Variants in AAK1 observed in about 807,000 individuals in gnomAD.
The protein encoded by AAK1 is AP2-associated protein kinase 1.
A neutral mutation model predicts 116.0 loss-of-function variants in AAK1; 37 were observed. The ratio of observed to expected loss-of-function variants is 0.32; its 90% CI spans 0.25 to 0.42. The LOEUF (loss-of-function observed/expected upper bound fraction) is 0.42. Among genes scored for constraint, AAK1 ranks in the 10% least tolerant of loss-of-function variants. The pLI is 1.00. For missense variants in AAK1, 919 were observed against 1,170.6 expected, an observed-to-expected ratio of 0.79 and a Z score of 3.14; for synonymous variants, 458 against 439.9, an observed-to-expected ratio of 1.04 and a Z score of -0.51.
At chr2:69,512,978 CT>C (rs1456288105) in intron 13 of AAK1, among the ~76,000 whole-genome samples, 1 of 152,208 alleles carries the variant, frequency 6.6e-6, no homozygotes, top group Non-Finnish European at 1.5e-5. Flanking sequence ...TGGGCAACCA[CT>C]TTCTAGTCTA....
chr2:69,470,518 C>G lies in AAK1; in HGVS notation c.*5351G>C. ...TGGAAGCCAAAAATGGCCAGCTGTG[C>G]CTCTCAGGCCAATGAGGCAATTAAA... On this transcript the variant is annotated 3_prime_UTR_variant, in exon 22 of 22. Coordinates refer to ENST00000409085, the MANE Select transcript of AAK1 (RefSeq NM_014911.5). 1.0e-6 allele frequency: 1 copy of G among 985,432 alleles called. No homozygotes were observed. Among genetic ancestry groups the G allele is most frequent in the Non-Finnish European group, 1.2e-6 (1 of 829,918 alleles). 61.0% of individuals were successfully genotyped at this position (985,432 alleles called of 1,614,324 possible).
chr2:69,466,546 G>A lies in AAK1; in HGVS notation c.*9323C>T. 8.4e-7 allele frequency: 1 copy of A among 1,187,492 alleles called. No homozygotes were observed. The highest frequency in any genetic ancestry group is 1.1e-6 in the Non-Finnish European group (1 of 938,682). 73.6% of individuals were successfully genotyped at this position (1,187,492 alleles called of 1,614,324 possible). Reference sequence around the variant, plus strand: ...ACAGGACAGGGATTGGACTCCCTCTGGAGATCTAGAAAAGCATAAAATGCA... The same window carrying A: ...ACAGGACAGGGATTGGACTCCCTCTAGAGATCTAGAAAAGCATAAAATGCA... On this transcript the variant is annotated 3_prime_UTR_variant, in exon 22 of 22. Coordinates refer to ENST00000409085, the MANE Select transcript of AAK1 (RefSeq NM_014911.5).
chr2:69,611,235 G>A (rs1674065336), intron 2 of AAK1, among the ~76,000 whole-genome samples: 2 of 152,192 alleles, frequency 1.3e-5, no homozygotes, highest in African/African-American at 2.4e-5. Flanking sequence ...AGGCAGAAGG[G>A]GGATAAATAG....
At chr2:69,494,959 A>C (rs1675678380) in intron 17 of AAK1, among the ~76,000 whole-genome samples, 1 of 152,170 alleles carries the variant, frequency 6.6e-6, no homozygotes, top group Admixed American at 6.5e-5. Context: ...TTGGTAAAGG[A>C]TATGAACATC....
intron 2 of AAK1, among the ~76,000 whole-genome samples, chr2:69,614,590 G>A (rs74975792): frequency 0.03 from 4,642 of 152,208 alleles, 234 homozygotes; most frequent in African/African-American, 0.11. Context: ...CCAACACCCT[G>A]TCTCCTTCAC....
intron 2 of AAK1, among the ~76,000 whole-genome samples, chr2:69,571,875 GC>G (rs1333662793): frequency 6.6e-6 from 1 of 152,162 alleles, no homozygotes; most frequent in Non-Finnish European, 1.5e-5. Flanking sequence ...CAAGATCTCT[GC>G]CACTCAGAGC....
At chr2:69,551,108 ACCC>A (rs934701263) in intron 3 of AAK1, among the ~76,000 whole-genome samples, 1 of 151,472 alleles carries the variant, frequency 6.6e-6, no homozygotes, top group African/African-American at 2.4e-5. Flanking sequence ...ACACACACAC[ACCC>A]CAACTTTCTT....
intron 2 of AAK1, among the ~76,000 whole-genome samples, chr2:69,638,635 A>G (rs1393388899): frequency 1.3e-5 from 2 of 152,178 alleles, no homozygotes; most frequent in African/African-American, 4.8e-5. Flanking sequence ...TGGTAACACT[A>G]AACTAGTCAG....
intron 2 of AAK1, among the ~76,000 whole-genome samples, chr2:69,617,646 G>A (rs563788891): frequency 6.6e-6 from 1 of 152,326 alleles, no homozygotes; most frequent in Non-Finnish European, 1.5e-5. Flanking sequence ...TCCTAAAGAG[G>A]TATGTGCCAC....
chr2:69,516,405 C>A (rs190323502), intron 12 of AAK1, among the ~76,000 whole-genome samples: 15 of 151,384 alleles, frequency 9.9e-5, no homozygotes, highest in Non-Finnish European at 1.5e-5. Context: ...ATTCATAATG[C>A]CTATTCTCCA....
Position 69,544,431 on chromosome 2 carries a change from C to T in AAK1, c.391+5G>A. The T allele has an allele frequency of 1.9e-6, 3 of 1,599,932 alleles. No homozygotes were observed. Among genetic ancestry groups the T allele is most frequent in the Non-Finnish European group, 2.6e-6 (3 of 1,167,400 alleles). On this transcript the variant is annotated splice_donor_5th_base_variant and intron_variant, in intron 4 of 21. Coordinates refer to ENST00000409085, the MANE Select transcript of AAK1 (RefSeq NM_014911.5). ...ACAGCTTAAGGGAATGGTTCATATACATACCTCTACAAAAGTCCATCAGAA... is the reference window on the plus strand; with the variant it reads ...ACAGCTTAAGGGAATGGTTCATATATATACCTCTACAAAAGTCCATCAGAA...
rs568971328 is a variant in AAK1 at position 69,482,350 on chromosome 2, C to G, written c.2467+361G>C. On this transcript the variant is annotated intron_variant, in intron 18 of 21. Transcript: ENST00000409085. ...CTAGGCAACAAGAGTGAAACTCTGT[C>G]TCAAACAAAAAAAAAAAAAAGAAGA... 4 of 514,228 alleles carry G rather than the reference C, an allele frequency of 7.8e-6. No homozygotes were observed. The South Asian group carries it at 1.0e-4, about 13-fold the overall frequency. 31.9% of individuals were successfully genotyped at this position (514,228 alleles called of 1,614,324 possible).
At chr2:69,595,133 G>A (rs768942399) in intron 2 of AAK1, 7 of 504,924 alleles carry the variant, frequency 1.4e-5, no homozygotes, top group Non-Finnish European at 2.7e-5. Flanking sequence ...TTGTTTTTGA[G>A]ATGGAGTTTC....
Position 69,473,710 on chromosome 2 carries a change from T to C in AAK1, c.*2159A>G. 1 of 960,536 alleles carries C rather than the reference T, an allele frequency of 1.0e-6. No individual in the cohort carries two copies. The highest frequency in any genetic ancestry group is 1.2e-6 in the Non-Finnish European group (1 of 806,878). 59.5% of individuals were successfully genotyped at this position (960,536 alleles called of 1,614,324 possible). ...CAATTAAATTGAGAAACTAGATATTTCATTATATTTCTAACATGTATATAC... is the reference window on the plus strand; with the variant it reads ...CAATTAAATTGAGAAACTAGATATTCCATTATATTTCTAACATGTATATAC... On this transcript the variant is annotated 3_prime_UTR_variant, in exon 22 of 22. Coordinates refer to ENST00000409085, the MANE Select transcript of AAK1 (RefSeq NM_014911.5).
At chr2:69,518,814 CT>C (rs1347424262) in intron 12 of AAK1, 139 bp downstream of exon 12, 1 of 1,304,700 alleles carries the variant, frequency 7.7e-7, no homozygotes, top group Non-Finnish European at 1.0e-6. Flanking sequence ...GGATCCGCTT[CT>C]CAATGCTTTA....
At position 69,527,305 on chromosome 2, in the gene AAK1, G is replaced by C; in HGVS notation, c.886C>G (p.Pro296Ala). The C allele has an allele frequency of 6.2e-7, 1 of 1,603,044 alleles. No homozygotes were observed. The highest frequency in any genetic ancestry group is 8.5e-7 in the Non-Finnish European group (1 of 1,172,942). ...MHCLIRYMLE[P>A]DPDKRPDIYQ... Reference sequence around the variant, plus strand: ...ATATCCGGCCTTTTGTCAGGGTCTGGTTCCAACATATACCCTAAGGCAAAC... The same window carrying C: ...ATATCCGGCCTTTTGTCAGGGTCTGCTTCCAACATATACCCTAAGGCAAAC... The change falls in exon 9 of 22, where the codon CCA (proline) becomes GCA (alanine). Residue 296 changes from proline (P) to alanine (A), a missense_variant. Transcript: ENST00000409085.
In AAK1 at chr2:69,525,108, G is replaced by A. The variant is rs750018772; in HGVS notation, c.980C>T (p.Ser327Phe). Residue 327 changes from serine (S) to phenylalanine (F), a missense_variant, in exon 10 of 22, where the codon TCT becomes TTT. Transcript: ENST00000409085. ...TTCAGGAAGCTTTGCAGGAATGGGAGAGTTCTATAGAATTGCAAACAAAAC... is the reference window on the plus strand; with the variant it reads ...TTCAGGAAGCTTTGCAGGAATGGGAAAGTTCTATAGAATTGCAAACAAAAC... ...KECPIPNVQNSPIPAKLPEPV... is the reference protein window; with the variant it reads ...KECPIPNVQNFPIPAKLPEPV... The A allele has an allele frequency of 3.7e-6, 6 of 1,613,742 alleles. No individual in the cohort carries two copies. The Admixed American group carries it at 6.7e-5, about 18-fold the overall frequency.
intron 2 of AAK1, among the ~76,000 whole-genome samples, chr2:69,591,104 T>C (rs1673007879): frequency 6.6e-6 from 1 of 152,238 alleles, no homozygotes; most frequent in Non-Finnish European, 1.5e-5. Flanking sequence ...AAACTGTAGT[T>C]AGAATATCTA....
At chr2:69,522,915 A>T (rs1245154123) in intron 10 of AAK1, among the ~76,000 whole-genome samples, 1 of 152,208 alleles carries the variant, frequency 6.6e-6, no homozygotes, top group Non-Finnish European at 1.5e-5. Context: ...TGAGGGGAAC[A>T]TATTAGAGCA....
Sources: gnomAD v4.1 joint callset for allele counts (sites outside exome capture counted in the v4.1 genomes callset) on GRCh38, gnomAD v4.1.1 for gene constraint, MANE v1.5 for transcripts, NCBI Gene and HGNC (gene_info 2026-07-23, HGNC 2026-07-21) for gene names.